MIER1: variants seen among roughly 807,000 people sequenced by gnomAD.
MIER1 encodes mesoderm induction early response protein 1.
MIER1 carries 40 observed loss-of-function variants against 75.7 expected under a neutral mutation model. That is an observed-to-expected ratio of 0.53 (90% CI 0.41 to 0.69). MIER1 has a LOEUF of 0.69. Ranked by LOEUF, MIER1 falls within the 30% of genes least tolerant of loss-of-function variation. MIER1 has a pLI of 0.00. For missense variants in MIER1, 574 were observed against 680.2 expected (o/e 0.84, Z 1.74); for synonymous variants, 213 against 223.4 (o/e 0.95, Z 0.42).
chr1:66,935,748 A>G (rs1654645354), intron 2 of MIER1, among the ~76,000 whole-genome samples: 2 of 152,260 alleles, frequency 1.3e-5, no homozygotes, highest in African/African-American at 2.4e-5. Context: ...AATTTATTCC[A>G]TATTATTTCA....
rs745776529 is a variant in MIER1 at position 66,959,786 on chromosome 1, T to A, written c.699+43T>A. 11 of 1,009,082 alleles carry A rather than the reference T, an allele frequency of 1.1e-5. No individual in the cohort carries two copies. The Admixed American group carries it at 3.4e-4, about 31-fold the overall frequency. 62.5% of individuals were successfully genotyped at this position (1,009,082 alleles called of 1,614,324 possible). A position where few individuals can be genotyped will look rare whatever the true frequency, so the allele number is the denominator to read the frequency against. On this transcript the variant is annotated intron_variant, in intron 7 of 13. Coordinates refer to ENST00000401041, the MANE Select transcript of MIER1 (RefSeq NM_001077700.3). ...TTCCCAAAATTTAGATAAATTAATA[T>A]TTTTTTAAAAAGCCTCGTGTAATTA...
intron 3 of MIER1, among the ~76,000 whole-genome samples, chr1:66,945,603 T>C (rs1657434637): frequency 6.6e-6 from 1 of 152,140 alleles, no homozygotes; most frequent in South Asian, 2.1e-4. Context: ...CAGGTACACC[T>C]GTAATCCCAG....
chr1:66,926,700 T>A (rs988234861), intron 2 of MIER1, among the ~76,000 whole-genome samples: 2 of 152,192 alleles, frequency 1.3e-5, no homozygotes, highest in Non-Finnish European at 2.9e-5. Context: ...TGTAGGCTGT[T>A]GCTTTTAAAT....
intron 8 of MIER1, 62 bp from the exon 9 acceptor site, chr1:66,970,746 G>T: frequency 7.7e-7 from 1 of 1,293,694 alleles, no homozygotes; most frequent in Non-Finnish European, 1.0e-6. Flanking sequence ...TTAGTAATAT[G>T]TTTTAACACA....
At chr1:66,968,546 C>CT (rs1662897411) in intron 8 of MIER1, among the ~76,000 whole-genome samples, 3 of 152,042 alleles carry the variant, frequency 2.0e-5, no homozygotes, top group Non-Finnish European at 4.4e-5. Flanking sequence ...ACCTCCTTAC[C>CT]TAGTATCTTG....
intron 8 of MIER1, among the ~76,000 whole-genome samples, chr1:66,966,617 T>C (rs983869043): frequency 1.1e-4 from 16 of 152,226 alleles, no homozygotes; most frequent in Non-Finnish European, 1.9e-4. Context: ...CCACACTGTC[T>C]TCCACAATGG....
chr1:66,968,900 T>C (rs766458777), intron 8 of MIER1, among the ~76,000 whole-genome samples: 1 of 152,188 alleles, frequency 6.6e-6, no homozygotes, highest in Non-Finnish European at 1.5e-5. Context: ...CCTAAGTGAA[T>C]AGGTGGGTGA....
At chr1:66,953,528 T>A (rs2101625797) in intron 4 of MIER1, among the ~76,000 whole-genome samples, 1 of 152,294 alleles carries the variant, frequency 6.6e-6, no homozygotes, top group South Asian at 2.1e-4. Context: ...AAGCTGATAT[T>A]ACTCACTTGA....
At chr1:66,982,191 T>C (rs1447442228) in intron 13 of MIER1, among the ~76,000 whole-genome samples, 2 of 152,218 alleles carry the variant, frequency 1.3e-5, no homozygotes, top group East Asian at 3.8e-4. Context: ...TCTTTTCCTG[T>C]CTTGTCTAGT....
intron 8 of MIER1, among the ~76,000 whole-genome samples, chr1:66,964,448 CTTTTTTTT>C (rs71058483): frequency 3.6e-4 from 43 of 119,750 alleles, no homozygotes; most frequent in Admixed American, 4.3e-4. Context: ...TGTATGTTTC[CTTTTTTTT>C]TTTTTTTTTT....
chr1:66,926,217 A>G lies in MIER1; in HGVS notation c.143A>G (p.Asn48Ser), dbSNP rs965650082. ...TWLRTNWLRF[N>S]ADKTDVMLPS... ...TTAAGAACCAACTGGTTGAGGTTCA[A>G]TGCAGACAAGACGGATGTGATGCTG... The change falls in exon 2 of 14, where the codon AAT becomes AGT. Residue 48 changes from asparagine (N) to serine (S), a missense_variant. Asn to Ser is a conservative substitution (Grantham distance 46, BLOSUM62 1). Around this residue, in one of 3 missense-constraint regions of MIER1, gnomAD observed 309 missense variants for 352.8 expected, o/e 0.88. Coordinates refer to ENST00000401041, the MANE Select transcript of MIER1 (RefSeq NM_001077700.3). 28 of 1,613,716 alleles carry G rather than the reference A, an allele frequency of 1.7e-5. No homozygotes were observed. Among genetic ancestry groups the G allele is most frequent in the Non-Finnish European group, 2.3e-5 (27 of 1,179,760 alleles).
At chr1:66,932,064 AAAAT>A (rs1352433506) in intron 2 of MIER1, among the ~76,000 whole-genome samples, 1 of 152,196 alleles carries the variant, frequency 6.6e-6, no homozygotes, top group African/African-American at 2.4e-5. Context: ...GTGTTTTTAA[AAAAT>A]AAATTTTATT....
chr1:66,983,574 C>T (rs770134070), intron 13 of MIER1, among the ~76,000 whole-genome samples: 2 of 152,112 alleles, frequency 1.3e-5, no homozygotes, highest in South Asian at 2.1e-4. Context: ...TTACTTTTCT[C>T]ACCTACTATA....
At chr1:66,965,275 A>G (rs545493908) in intron 8 of MIER1, among the ~76,000 whole-genome samples, 4 of 152,278 alleles carry the variant, frequency 2.6e-5, no homozygotes, top group African/African-American at 9.6e-5. Context: ...AGCAATGTTC[A>G]CCATTGAGGT....
chr1:66,957,557 A>G (rs2101682484), intron 4 of MIER1, among the ~76,000 whole-genome samples: 1 of 139,776 alleles, frequency 7.2e-6, no homozygotes, highest in Non-Finnish European at 1.5e-5. Context: ...GTCCATTATC[A>G]TTTCTGTATA....
intron 4 of MIER1, 90 bp from the exon 5 acceptor site, chr1:66,957,969 A>G (rs1318931038): frequency 8.5e-6 from 6 of 708,476 alleles, no homozygotes; most frequent in Non-Finnish European, 1.1e-5. Context: ...TCTTCACTAT[A>G]GAATGAATAC....
At chr1:66,956,524 A>G (rs1303592884) in intron 4 of MIER1, among the ~76,000 whole-genome samples, 9 of 152,234 alleles carry the variant, frequency 5.9e-5, no homozygotes, top group Admixed American at 5.2e-4. Flanking sequence ...CCAAATACCA[A>G]TGTCCTGTAC....
chr1:66,957,332 T>C (rs1304872176), intron 4 of MIER1, among the ~76,000 whole-genome samples: 5 of 152,208 alleles, frequency 3.3e-5, no homozygotes, highest in South Asian at 2.1e-4. Flanking sequence ...TGTATTGATA[T>C]GAATATGGGC....
At chr1:66,945,012 A>G (rs1657160180) in intron 3 of MIER1, among the ~76,000 whole-genome samples, 1 of 152,090 alleles carries the variant, frequency 6.6e-6, no homozygotes, top group African/African-American at 2.4e-5. Flanking sequence ...AGCATGAGCA[A>G]CTACATCCAG....
Sources: gnomAD v4.1 joint callset for allele counts (sites outside exome capture counted in the v4.1 genomes callset) on GRCh38, gnomAD v4.1.1 for gene constraint, gnomAD v4.1.1 regional missense constraint, MANE v1.5 for transcripts, NCBI Gene and HGNC (gene_info 2026-07-23, HGNC 2026-07-21) for gene names.